Variants in CNTN3 observed in about 807,000 individuals in gnomAD.
The protein encoded by CNTN3 is contactin-3.
In CNTN3, 60 loss-of-function variants were observed where a neutral mutation model predicts 119.1. That is an observed-to-expected ratio of 0.50 (90% CI 0.41 to 0.62). CNTN3 has a LOEUF of 0.62. CNTN3 is among the 20% of genes least tolerant of loss of function. The pLI, the probability that CNTN3 is intolerant of heterozygous loss-of-function variation, is 0.00. For missense variants in CNTN3, 1,101 were observed against 1,242.4 expected (o/e 0.89, Z 1.71); for synonymous variants, 450 against 438.7 (o/e 1.03, Z -0.32).
intron 20 of CNTN3, among the ~76,000 whole-genome samples, chr3:74,269,401 G>T (rs1465112338): frequency 6.6e-6 from 1 of 151,982 alleles, no homozygotes; most frequent in Non-Finnish European, 1.5e-5. Flanking sequence ...GGAAATTTTG[G>T]ACCAGAGAAA....
intron 1 of CNTN3, among the ~76,000 whole-genome samples, chr3:74,539,638 T>C (rs1449790922): frequency 2.6e-5 from 4 of 152,148 alleles, no homozygotes; most frequent in African/African-American, 9.7e-5. Flanking sequence ...CATAGATATC[T>C]GTAGATGGGA....
At chr3:74,484,039 T>C (rs1307644669) in intron 4 of CNTN3, among the ~76,000 whole-genome samples, 2 of 152,120 alleles carry the variant, frequency 1.3e-5, no homozygotes, top group Non-Finnish European at 2.9e-5. Flanking sequence ...TTATCAGGTA[T>C]GAAATTAAGA....
chr3:74,296,981 A>T (rs1281895786), intron 18 of CNTN3, among the ~76,000 whole-genome samples: 1 of 151,918 alleles, frequency 6.6e-6, no homozygotes, highest in Non-Finnish European at 1.5e-5. Context: ...AGCGGTCATG[A>T]GACAAAATGT....
intron 5 of CNTN3, among the ~76,000 whole-genome samples, chr3:74,398,145 C>T (rs1443677363): frequency 6.6e-6 from 1 of 152,140 alleles, no homozygotes; most frequent in Non-Finnish European, 1.5e-5. Flanking sequence ...TTTGAGAGGA[C>T]TGATTTTAGT....
chr3:74,567,389 G>T (rs1704244516), intron 1 of CNTN3, among the ~76,000 whole-genome samples: 1 of 144,164 alleles, frequency 6.9e-6, no homozygotes, highest in South Asian at 2.2e-4. Context: ...TGAACTCCTG[G>T]GCGCAAGTGA....
intron 20 of CNTN3, among the ~76,000 whole-genome samples, chr3:74,273,596 G>A (rs1444236387): frequency 6.6e-6 from 1 of 152,174 alleles, no homozygotes; most frequent in Non-Finnish European, 1.5e-5. Flanking sequence ...ACCTGGAGCT[G>A]AGAGCTGAGT....
chr3:74,427,443 CTT>C (rs930454407), intron 4 of CNTN3, among the ~76,000 whole-genome samples: 13 of 152,244 alleles, frequency 8.5e-5, no homozygotes, highest in African/African-American at 3.1e-4. Context: ...TATAGCGAGA[CTT>C]TTCTCCTTTT....
At chr3:74,385,452 A>T (rs1361869215) in intron 5 of CNTN3, among the ~76,000 whole-genome samples, 2 of 151,884 alleles carry the variant, frequency 1.3e-5, no homozygotes, top group African/African-American at 4.8e-5. Context: ...AAGTGTTTTG[A>T]CTATTGCTAT....
chr3:74,396,554 G>C (rs1447710767), intron 5 of CNTN3, among the ~76,000 whole-genome samples: 1 of 150,774 alleles, frequency 6.6e-6, no homozygotes, highest in East Asian at 2.0e-4. Context: ...AGACCACCCT[G>C]GCTAACACGG....
In CNTN3 at chr3:74,473,048, T is replaced by C. The variant is rs1035868255; in HGVS notation, c.358+13408A>G. Reference sequence around the variant, plus strand: ...CCATGTCTAAATGTGCTTCTAAATATTATAATCTATAATAATTAAAAAATT... The same window carrying C: ...CCATGTCTAAATGTGCTTCTAAATACTATAATCTATAATAATTAAAAAATT... On this transcript the variant is annotated intron_variant, in intron 4 of 22. Transcript: ENST00000263665. Among the ~76,000 whole-genome samples, 6 of 151,710 alleles carry C rather than the reference T, an allele frequency of 4.0e-5. No homozygotes were observed. The South Asian group carries it at 1.0e-3, about 26-fold the overall frequency.
intron 1 of CNTN3, among the ~76,000 whole-genome samples, chr3:74,536,382 A>C (rs1703765709): frequency 6.6e-6 from 1 of 152,106 alleles, no homozygotes; most frequent in Non-Finnish European, 1.5e-5. Flanking sequence ...CTAGCAGGAA[A>C]AGTTTGAGGA....
intron 1 of CNTN3, among the ~76,000 whole-genome samples, chr3:74,557,546 T>C (rs1704089139): frequency 6.6e-6 from 1 of 152,136 alleles, no homozygotes; most frequent in Admixed American, 6.5e-5. Context: ...GAAGCAGAAG[T>C]AGCCTCAGCA....
chr3:74,343,916 C>T (rs1703611072), intron 11 of CNTN3, among the ~76,000 whole-genome samples: 1 of 152,142 alleles, frequency 6.6e-6, no homozygotes, highest in Non-Finnish European at 1.5e-5. Flanking sequence ...CCATTGGACT[C>T]TCCCTCTTCA....
intron 11 of CNTN3, among the ~76,000 whole-genome samples, chr3:74,352,021 A>G (rs537674449): frequency 2.0e-5 from 3 of 152,314 alleles, no homozygotes; most frequent in Non-Finnish European, 2.9e-5. Context: ...AGGCATCTCA[A>G]TCATCTCTTT....
rs565938838 is a variant in CNTN3 at position 74,569,614 on chromosome 3, A to G, written c.-81+44777T>C. ...AAATAAGATCTTGATAAGGACCACC[A>G]TCATTGCAGATTTTTCTTAAGCTTT... On this transcript the variant is annotated intron_variant, in intron 1 of 22. Transcript: ENST00000263665. 1.9e-3 allele frequency among the ~76,000 whole-genome samples: 287 copies of G among 152,326 alleles called. 4 individuals carry two copies. The highest frequency in any genetic ancestry group is 6.3e-3 in the African/African-American group (261 of 41,586).
intron 11 of CNTN3, among the ~76,000 whole-genome samples, chr3:74,352,219 C>G (rs1216051711): frequency 6.6e-6 from 1 of 152,216 alleles, no homozygotes; most frequent in Non-Finnish European, 1.5e-5. Context: ...TCTGTTTAGA[C>G]AGCATGTTCC....
intron 11 of CNTN3, among the ~76,000 whole-genome samples, chr3:74,355,792 C>G (rs1417123629): frequency 6.6e-6 from 1 of 151,972 alleles, no homozygotes; most frequent in Non-Finnish European, 1.5e-5. Flanking sequence ...TCCTGTACAT[C>G]TTCTACTTTG....
At chr3:74,295,796 T>A (rs1702326623) in intron 18 of CNTN3, among the ~76,000 whole-genome samples, 1 of 152,132 alleles carries the variant, frequency 6.6e-6, no homozygotes, top group Non-Finnish European at 1.5e-5. Context: ...TAAAAAGCAC[T>A]GTTGAGATTC....
At chr3:74,413,357 G>A (rs184858266) in intron 5 of CNTN3, among the ~76,000 whole-genome samples, 4 of 152,250 alleles carry the variant, frequency 2.6e-5, no homozygotes, top group African/African-American at 7.2e-5. Context: ...GACGGATGCA[G>A]AGCAAATTTC....
Sources: allele counts gnomAD v4.1 joint callset (sites outside exome capture counted in the v4.1 genomes callset), GRCh38; gene constraint gnomAD v4.1.1; transcripts MANE v1.5; gene names NCBI Gene and HGNC (gene_info 2026-07-23, HGNC 2026-07-21).